The following AGMO variants were observed in gnomAD, a reference collection of about 807,000 sequenced individuals.
AGMO encodes the protein alkylglycerol monooxygenase.
Under a neutral mutation model 60.2 loss-of-function variants are expected in AGMO, and 75 were observed. That is an observed-to-expected ratio of 1.25 (90% confidence interval 1.03 to 1.51). The LOEUF is 1.51. Among genes scored for constraint, AGMO ranks in the 40% most tolerant of loss-of-function variants. AGMO has a pLI of 0.00. For missense variants in AGMO, 763 were observed against 525.5 expected, an observed-to-expected ratio of 1.45 and a Z score of -4.42; for synonymous variants, 261 against 177.1, an observed-to-expected ratio of 1.47 and a Z score of -3.76.
intron 12 of AGMO, among the ~76,000 whole-genome samples, chr7:15,281,005 G>A (rs576912523): frequency 1.5e-3 from 235 of 152,266 alleles, no homozygotes; most frequent in African/African-American, 5.5e-3. Context: ...GCACCACTGG[G>A]TGGCTAGACT....
chr7:15,229,485 T>A (rs1006126579), intron 12 of AGMO, among the ~76,000 whole-genome samples: 5 of 146,840 alleles, frequency 3.4e-5, no homozygotes, highest in African/African-American at 1.3e-4. Flanking sequence ...CTTCTCCCCA[T>A]CTACACATCC....
chr7:15,273,554 G>A (rs1298777132), intron 12 of AGMO, among the ~76,000 whole-genome samples: 1 of 152,136 alleles, frequency 6.6e-6, no homozygotes, highest in Non-Finnish European at 1.5e-5. Flanking sequence ...GTCAGGTAGT[G>A]TGATGCCTCC....
chr7:15,310,297 A>C lies in AGMO; in HGVS notation c.1263+55217T>G, dbSNP rs370720988. On this transcript the variant is annotated intron_variant, in intron 12 of 12. Transcript: ENST00000342526. ...AGGTTTTTATTTGCTAAAAATATCA[A>C]GATAACATTTTTAGCAAAAATTTCA... is the stretch of plus-strand genomic sequence containing the variant. 3.9e-5 allele frequency among the ~76,000 whole-genome samples: 6 copies of C among 152,302 alleles called. No individual in the cohort carries two copies. The South Asian group carries it at 1.2e-3, about 32-fold the overall frequency.
chr7:15,244,526 C>T (rs1782684966), intron 12 of AGMO, among the ~76,000 whole-genome samples: 1 of 152,130 alleles, frequency 6.6e-6, no homozygotes, highest in African/African-American at 2.4e-5. Context: ...GCAAAGAACG[C>T]AAATCTTTAT....
intron 3 of AGMO, among the ~76,000 whole-genome samples, chr7:15,495,113 T>C (rs1281925954): frequency 1.3e-5 from 2 of 152,256 alleles, no homozygotes; most frequent in Non-Finnish European, 2.9e-5. Context: ...TAATGTGTTA[T>C]ATGTAATAAT....
intron 12 of AGMO, among the ~76,000 whole-genome samples, chr7:15,264,248 A>C (rs1783367130): frequency 6.6e-6 from 1 of 151,956 alleles, no homozygotes; most frequent in African/African-American, 2.4e-5. Flanking sequence ...AGCTTAAAAT[A>C]TATATTTTAC....
intron 12 of AGMO, among the ~76,000 whole-genome samples, chr7:15,223,527 C>T (rs989138029): frequency 6.6e-6 from 1 of 151,898 alleles, no homozygotes; most frequent in East Asian, 1.9e-4. Context: ...AGAACAGACA[C>T]ATTTATAGAA....
chr7:15,387,222 C>T (rs947682677), intron 9 of AGMO, among the ~76,000 whole-genome samples, 184 bp downstream of exon 9: 1 of 152,206 alleles, frequency 6.6e-6, no homozygotes, highest in African/African-American at 2.4e-5. Context: ...TGGGAGAAGG[C>T]ACTCCTTTAA....
At chr7:15,357,681 C>T (rs1483364072) in intron 12 of AGMO, among the ~76,000 whole-genome samples, 4 of 152,204 alleles carry the variant, frequency 2.6e-5, no homozygotes, top group African/African-American at 9.7e-5. Context: ...GCCTGGCCCA[C>T]TAGAGGGTGA....
At chr7:15,506,526 T>C (rs1015019460) in intron 3 of AGMO, among the ~76,000 whole-genome samples, 2 of 152,074 alleles carry the variant, frequency 1.3e-5, no homozygotes, top group Non-Finnish European at 2.9e-5. Flanking sequence ...CCTCATACTA[T>C]ATGTGTGTTT....
At chr7:15,499,907 G>GCACACA (rs367953278) in intron 3 of AGMO, among the ~76,000 whole-genome samples, 16,736 of 137,560 alleles carry the variant, frequency 0.12, 1,163 homozygotes, top group Non-Finnish European at 0.14. Context: ...TATGTATTAC[G>GCACACA]CACACACACA....
chr7:15,487,466 G>A (rs1265634503), intron 3 of AGMO, among the ~76,000 whole-genome samples: 1 of 151,948 alleles, frequency 6.6e-6, no homozygotes, highest in African/African-American at 2.4e-5. Context: ...GATTACAATT[G>A]CACTTTCATA....
intron 2 of AGMO, among the ~76,000 whole-genome samples, chr7:15,548,017 G>A (rs577313617): frequency 1.0e-4 from 15 of 146,606 alleles, no homozygotes; most frequent in Admixed American, 2.0e-4. Context: ...CCCTGACACC[G>A]GAGCAGCCTA....
Position 15,202,708 on chromosome 7 carries a change from G to A in AGMO, c.1264-1349C>T, listed in dbSNP as rs143515241. The stretch of plus-strand genomic sequence containing the variant: ...AGGAGAAGTCAAGAATAATATTAAC[G>A]TCTTGGAGTTGCCTCAGAAGTCAAA... On this transcript the variant is annotated intron_variant, in intron 12 of 12. Transcript: ENST00000342526. 6.7e-3 allele frequency among the ~76,000 whole-genome samples: 1,018 copies of A among 152,136 alleles called. 12 individuals carry two copies. Among genetic ancestry groups the A allele is most frequent in the African/African-American group, 0.023 (952 of 41,524 alleles).
intron 3 of AGMO, among the ~76,000 whole-genome samples, chr7:15,485,848 G>C (rs1364934940): frequency 1.3e-5 from 2 of 151,814 alleles, no homozygotes; most frequent in Non-Finnish European, 2.9e-5. Context: ...TCCCTATGTA[G>C]ACCTTCATTT....
At position 15,428,493 on chromosome 7, in the gene AGMO, A is replaced by G. The variant is rs534758834; in HGVS notation, c.513+2512T>C. Among the ~76,000 whole-genome samples the G allele has an allele frequency of 9.1e-4, 139 of 152,254 alleles. 1 individual carries two copies. Among genetic ancestry groups the G allele is most frequent in the African/African-American group, 3.1e-3 (129 of 41,562 alleles). On this transcript the variant is annotated intron_variant, in intron 4 of 12. Coordinates refer to ENST00000342526, the MANE Select transcript of AGMO (RefSeq NM_001004320.2). Reference sequence around the variant, plus strand: ...AAAACAAGTGTGAGTCTCATTTTACATAGATTTTTGCTGCTTTGTTACTTT... The same window carrying G: ...AAAACAAGTGTGAGTCTCATTTTACGTAGATTTTTGCTGCTTTGTTACTTT...
intron 12 of AGMO, among the ~76,000 whole-genome samples, chr7:15,308,171 G>T (rs373934459): frequency 6.6e-6 from 1 of 152,008 alleles, no homozygotes; most frequent in East Asian, 1.9e-4. Flanking sequence ...ATTTCAGAAT[G>T]GAGTAAATTC....
At chr7:15,469,230 AT>A (rs907400962) in intron 3 of AGMO, among the ~76,000 whole-genome samples, 5 of 149,894 alleles carry the variant, frequency 3.3e-5, no homozygotes, top group Non-Finnish European at 5.9e-5. Context: ...TAACAGGACT[AT>A]TTTTTTTTTC....
At chr7:15,179,212 T>A in the AGMO span, among the ~76,000 whole-genome samples, 2 of 151,808 alleles carry the variant, frequency 1.3e-5, no homozygotes, top group Non-Finnish European at 2.9e-5. Flanking sequence ...GCCATCACAA[T>A]AGCCCAAAAA....
Sources: allele counts gnomAD v4.1 joint callset (sites outside exome capture counted in the v4.1 genomes callset), GRCh38; gene constraint gnomAD v4.1.1; transcripts MANE v1.5; gene names NCBI Gene and HGNC (gene_info 2026-07-23, HGNC 2026-07-21).